Variants in THRB observed in about 807,000 individuals in gnomAD.
THRB encodes the protein nuclear receptor subfamily 1 group A member 2.
Under a neutral mutation model 47.8 loss-of-function variants are expected in THRB, and 12 were observed. That is an observed-to-expected ratio of 0.25 (90% CI 0.16 to 0.41). The LOEUF is 0.41. Ranked by LOEUF, THRB falls within the 10% of genes least tolerant of loss-of-function variation. The probability of loss-of-function intolerance (pLI) is 1.00; values close to 1 mark genes in which losing one functional copy is unlikely to be tolerated. For synonymous variants in THRB, 218 were observed against 212.2 expected, an observed-to-expected ratio of 1.03 and a Z score of -0.24; for missense variants, 348 against 589.2, an observed-to-expected ratio of 0.59 and a Z score of 4.24.
At chr3:24,140,664 T>G (rs1300953283) in intron 8 of THRB, among the ~76,000 whole-genome samples, 1 of 152,210 alleles carries the variant, frequency 6.6e-6, no homozygotes, top group Non-Finnish European at 1.5e-5. Flanking sequence ...GCAAGGCTTC[T>G]TATGACCCAA....
At chr3:24,477,263 G>C (rs1695621997) in intron 1 of THRB, among the ~76,000 whole-genome samples, 1 of 152,160 alleles carries the variant, frequency 6.6e-6, no homozygotes, top group African/African-American at 2.4e-5. Flanking sequence ...TGGCAGGTAA[G>C]TCTGTAAAAC....
At chr3:24,164,938 T>G (rs1200804469) in intron 5 of THRB, 1 of 628,892 alleles carries the variant, frequency 1.6e-6, no homozygotes, top group East Asian at 2.6e-5. Context: ...AATTCAAAGA[T>G]TTGACGAAGC....
chr3:24,209,402 A>G (rs1291248505), intron 4 of THRB, among the ~76,000 whole-genome samples: 2 of 152,230 alleles, frequency 1.3e-5, no homozygotes, highest in African/African-American at 4.8e-5. Context: ...CACTATTCAC[A>G]ATAGCAAAGA....
intron 3 of THRB, among the ~76,000 whole-genome samples, chr3:24,270,429 T>C (rs1463952012): frequency 6.6e-6 from 1 of 152,172 alleles, no homozygotes; most frequent in Non-Finnish European, 1.5e-5. Context: ...ATTATCAAAA[T>C]AACAAGAATG....
chr3:24,274,364 G>C (rs905071321), intron 3 of THRB, among the ~76,000 whole-genome samples: 1 of 152,068 alleles, frequency 6.6e-6, no homozygotes, highest in Non-Finnish European at 1.5e-5. Flanking sequence ...TAAGCAATTA[G>C]GGTTACCTAG....
At chr3:24,357,607 T>C (rs1037394270) in intron 1 of THRB, among the ~76,000 whole-genome samples, 3 of 152,172 alleles carry the variant, frequency 2.0e-5, no homozygotes, top group East Asian at 1.9e-4. Flanking sequence ...ATTCATATTA[T>C]AATGTTATCT....
intron 1 of THRB, among the ~76,000 whole-genome samples, chr3:24,412,440 T>A (rs546227496): frequency 6.6e-6 from 1 of 151,914 alleles, no homozygotes; most frequent in Admixed American, 6.6e-5. Flanking sequence ...TAATAATGAT[T>A]TTGAGATAAC....
At chr3:24,233,735 C>T (rs550565854) in intron 3 of THRB, among the ~76,000 whole-genome samples, 2 of 152,160 alleles carry the variant, frequency 1.3e-5, no homozygotes, top group African/African-American at 4.8e-5. Context: ...TTGAAGGAAA[C>T]CTAGAAAAGG....
chr3:24,290,796 G>C (rs539672581), intron 3 of THRB, among the ~76,000 whole-genome samples: 2 of 152,170 alleles, frequency 1.3e-5, no homozygotes, highest in Admixed American at 1.3e-4. Context: ...CAAAGCAGTC[G>C]TCTAGCCCTA....
At chr3:24,133,173 T>C (rs186658228) in intron 9 of THRB, 143 bp downstream of exon 9, 2 of 816,324 alleles carry the variant, frequency 2.5e-6, no homozygotes, top group Non-Finnish European at 4.0e-6. Flanking sequence ...TGAAATAGAA[T>C]GCATTTTCGT....
intron 1 of THRB, among the ~76,000 whole-genome samples, chr3:24,428,910 A>G (rs1205199323): frequency 6.6e-6 from 1 of 151,890 alleles, no homozygotes; most frequent in Non-Finnish European, 1.5e-5. Flanking sequence ...AAGTAAGCAC[A>G]TATATATGTT....
At chr3:24,367,927 G>A (rs1469305970) in intron 1 of THRB, among the ~76,000 whole-genome samples, 1 of 152,126 alleles carries the variant, frequency 6.6e-6, no homozygotes, top group Non-Finnish European at 1.5e-5. Context: ...AATACAAGGA[G>A]GGAGAGATAA....
At chr3:24,473,406 T>G (rs1694987408) in intron 1 of THRB, among the ~76,000 whole-genome samples, 1 of 152,148 alleles carries the variant, frequency 6.6e-6, no homozygotes, top group African/African-American at 2.4e-5. Flanking sequence ...CTCACACCAG[T>G]TAGAATGGTG....
At chr3:24,476,172 C>T (rs1255036233) in intron 1 of THRB, among the ~76,000 whole-genome samples, 1 of 152,222 alleles carries the variant, frequency 6.6e-6, no homozygotes, top group Non-Finnish European at 1.5e-5. Flanking sequence ...GCTGCACAAA[C>T]CACCTTGGTT....
intron 5 of THRB, among the ~76,000 whole-genome samples, chr3:24,185,261 A>C (rs2042421550): frequency 6.6e-6 from 1 of 152,260 alleles, no homozygotes; most frequent in South Asian, 2.1e-4. Flanking sequence ...GAAAATGTTC[A>C]TGATATATTG....
chr3:24,449,524 A>T (rs1390219675), intron 1 of THRB, among the ~76,000 whole-genome samples: 1 of 152,188 alleles, frequency 6.6e-6, no homozygotes, highest in Non-Finnish European at 1.5e-5. Context: ...CCTGCTTATT[A>T]ATAGACCAAC....
At chr3:24,209,887 A>G (rs1287162529) in intron 4 of THRB, among the ~76,000 whole-genome samples, 1 of 152,226 alleles carries the variant, frequency 6.6e-6, no homozygotes, top group Non-Finnish European at 1.5e-5. Flanking sequence ...TCTAGTAATG[A>G]AAGTCTGGCC....
chr3:24,149,150 G>A (rs912336518), intron 6 of THRB, among the ~76,000 whole-genome samples: 2 of 152,134 alleles, frequency 1.3e-5, no homozygotes, highest in East Asian at 3.8e-4. Flanking sequence ...CTCTGACCAA[G>A]GAGGGCAAAG....
intron 1 of THRB, among the ~76,000 whole-genome samples, chr3:24,487,993 C>T (rs1697557624): frequency 6.6e-6 from 1 of 152,172 alleles, no homozygotes; most frequent in South Asian, 2.1e-4. Flanking sequence ...CAAGGAACAA[C>T]ATGTCACAAG....
Sources: allele counts gnomAD v4.1 joint callset (sites outside exome capture counted in the v4.1 genomes callset), GRCh38; gene constraint gnomAD v4.1.1; transcripts MANE v1.5; gene names NCBI Gene and HGNC (gene_info 2026-07-23, HGNC 2026-07-21).